The following N4BP2L1 variants were observed in gnomAD, a reference collection of about 807,000 sequenced individuals.
N4BP2L1 encodes NEDD4 binding protein 2 like 1, also known as NEDD4-binding protein 2-like 1.
In N4BP2L1, 12 loss-of-function variants were observed where a neutral mutation model predicts 21.2. The ratio of observed to expected loss-of-function variants is 0.57; its 90% CI spans 0.36 to 0.92. The LOEUF is 0.92. Ranked by LOEUF, N4BP2L1 falls within the 40% of genes least tolerant of loss-of-function variation. The pLI is 0.01. For synonymous variants in N4BP2L1, 104 were observed against 112.8 expected (o/e 0.92, Z 0.49); for missense variants, 259 against 310.6 (o/e 0.83, Z 1.25).
At chr13:32,413,093 T>A (rs2137838018) in intron 1 of N4BP2L1, among the ~76,000 whole-genome samples, 1 of 151,818 alleles carries the variant, frequency 6.6e-6, no homozygotes, top group East Asian at 1.9e-4. Context: ...CCAGCTAATT[T>A]TTTTGTATTT....
Position 32,407,111 on chromosome 13 carries a change from C to A in N4BP2L1, c.396+139G>T. ...ACAGCAGAGAAACACTAAAATAAAA[C>A]CTCGTTACCTTCTCCCTGGGAGAAC... On this transcript the variant is annotated intron_variant, in intron 3 of 4. Transcript: ENST00000380130. 4.9e-6 allele frequency: 4 copies of A among 815,288 alleles called. No homozygotes were observed. The South Asian group carries it at 5.2e-5, about 11-fold the overall frequency. 50.5% of individuals were successfully genotyped at this position (815,288 alleles called of 1,614,324 possible). A position where few individuals can be genotyped will look rare whatever the true frequency, so the allele number is the denominator to read the frequency against.
intron 2 of N4BP2L1, 80 bp downstream of exon 2, chr13:32,407,565 A>G (rs2073602159): frequency 6.2e-7 from 1 of 1,604,370 alleles, no homozygotes; most frequent in African/African-American, 1.3e-5. Flanking sequence ...AACTCCTTCC[A>G]TAAAATTTAT....
chr13:32,410,559 T>A (rs961179495), intron 1 of N4BP2L1, among the ~76,000 whole-genome samples: 3 of 152,238 alleles, frequency 2.0e-5, no homozygotes, highest in Non-Finnish European at 4.4e-5. Flanking sequence ...TCCGTATGAA[T>A]GTCTGTTATT....
chr13:32,410,978 AC>A (rs2073825475), intron 1 of N4BP2L1, among the ~76,000 whole-genome samples: 1 of 151,954 alleles, frequency 6.6e-6, no homozygotes, highest in African/African-American at 2.4e-5. Context: ...TCATATACAT[AC>A]CCTTATCTGC....
intron 1 of N4BP2L1, among the ~76,000 whole-genome samples, chr13:32,409,706 G>C (rs1401927910): frequency 6.6e-6 from 1 of 152,140 alleles, no homozygotes; most frequent in Non-Finnish European, 1.5e-5. Context: ...ATGCAAAGGA[G>C]TGATGCAAGT....
At chr13:32,414,172 G>A (rs1409307098) in intron 1 of N4BP2L1, among the ~76,000 whole-genome samples, 2 of 152,198 alleles carry the variant, frequency 1.3e-5, no homozygotes, top group African/African-American at 4.8e-5. Context: ...GTGAGCCACT[G>A]TGCCCGGCCT....
In N4BP2L1 at chr13:32,401,056, G is replaced by T. The variant is rs894537466; in HGVS notation, c.*1886C>A. On this transcript the variant is annotated 3_prime_UTR_variant, in exon 5 of 5. Coordinates refer to ENST00000380130, the MANE Select transcript of N4BP2L1 (RefSeq NM_052818.3). The stretch of plus-strand genomic sequence containing the variant: ...TGTAACCCAGAGCCACTTCTCCATA[G>T]TGGTCACTCACTTAACCCAAGTGAG... 6.6e-6 allele frequency: 1 copy of T among 152,212 alleles called. No homozygotes were observed. The highest frequency in any genetic ancestry group is 1.5e-5 in the Non-Finnish European group (1 of 68,054). 9.4% of individuals were successfully genotyped at this position (152,212 alleles called of 1,614,324 possible). A position where few individuals can be genotyped will look rare whatever the true frequency, so the allele number is the denominator to read the frequency against.
rs776307032 is a variant in N4BP2L1 at position 32,427,979 on chromosome 13, G to T, written c.104C>A (p.Pro35His). The T allele has an allele frequency of 6.4e-7, 1 of 1,553,486 alleles. No individual in the cohort carries two copies. Among genetic ancestry groups the T allele is most frequent in the East Asian group, 2.6e-5 (1 of 39,074 alleles). Reference protein sequence around the residue: ...PPRPPPRGTPPRRHSFRKHLY... With the variant: ...PPRPPPRGTPHRRHSFRKHLY... ...GTGTTTCCTAAAGCTGTGGCGGCGAGGAGGTGTCCCCCGCGGGGGCGGCCG... is the reference window on the plus strand; with the variant it reads ...GTGTTTCCTAAAGCTGTGGCGGCGATGAGGTGTCCCCCGCGGGGGCGGCCG... Residue 35 changes from proline to histidine, a missense_variant, in exon 1 of 5, where the codon CCT (proline) becomes CAT (histidine). Pro to His is a moderately conservative substitution (Grantham distance 77). Transcript: ENST00000380130.
At chr13:32,405,892 C>CCTTTTT (rs2073452557) in intron 3 of N4BP2L1, among the ~76,000 whole-genome samples, 1 of 101,192 alleles carries the variant, frequency 9.9e-6, no homozygotes, top group African/African-American at 4.5e-5. Context: ...TTCCTGCCCC[C>CCTTTTT]TTTTTTTTTT....
chr13:32,403,292 T>C lies in N4BP2L1; in HGVS notation c.474-92A>G, dbSNP rs563676885. The C allele has an allele frequency of 2.0e-5, 27 of 1,335,280 alleles. No individual in the cohort carries two copies. In the East Asian group the frequency reaches 5.6e-4, roughly 28 times the overall value. 82.7% of individuals were successfully genotyped at this position (1,335,280 alleles called of 1,614,324 possible). A position where few individuals can be genotyped will look rare whatever the true frequency, so the allele number is the denominator to read the frequency against. ...TCCTCTAGTATTGCAGATATTGCAG[T>C]CCCTGTTCTCAGGACCTAGCTCTGG... On this transcript the variant is annotated intron_variant, in intron 4 of 4. Coordinates refer to ENST00000380130, the MANE Select transcript of N4BP2L1 (RefSeq NM_052818.3).
intron 1 of N4BP2L1, among the ~76,000 whole-genome samples, chr13:32,417,442 G>T (rs573933283): frequency 3.9e-5 from 6 of 152,176 alleles, no homozygotes; most frequent in Non-Finnish European, 5.9e-5. Flanking sequence ...GGATGTGTTT[G>T]CTTCCCCTTC....
At chr13:32,407,620 A>G (rs7491644) in intron 2 of N4BP2L1, 25 bp downstream of exon 2, 3 of 1,611,356 alleles carry the variant, frequency 1.9e-6, no homozygotes, top group Admixed American at 3.3e-5. Context: ...AGGGTTTCCC[A>G]GGAGTTTGGG....
At chr13:32,415,640 C>T (rs565798840) in intron 1 of N4BP2L1, among the ~76,000 whole-genome samples, 1 of 152,166 alleles carries the variant, frequency 6.6e-6, no homozygotes, top group African/African-American at 2.4e-5. Flanking sequence ...GCTTCTTAAC[C>T]AACTTCCTTC....
chr13:32,425,400 T>G (rs1258142110), intron 1 of N4BP2L1: 1 of 152,256 alleles, frequency 6.6e-6, no homozygotes, highest in Non-Finnish European at 1.5e-5. Context: ...GAACTGCCAA[T>G]GCCCAGCGAA....
At chr13:32,405,371 G>A (rs895816255) in intron 3 of N4BP2L1, among the ~76,000 whole-genome samples, 4 of 152,064 alleles carry the variant, frequency 2.6e-5, no homozygotes, top group Non-Finnish European at 5.9e-5. Context: ...CTAGCCAGGC[G>A]TGGTGGTACA....
upstream of N4BP2L1, among the ~76,000 whole-genome samples, chr13:32,429,212 C>T (rs2074930384): frequency 6.6e-6 from 1 of 152,238 alleles, no homozygotes; most frequent in African/African-American, 2.4e-5. Context: ...TAGGAAGGGA[C>T]TATCCAAGTG....
rs894537466 is a variant in N4BP2L1, at chr13:32,401,056, G to C, written c.*1886C>G. 1 of 152,212 alleles carries C rather than the reference G, an allele frequency of 6.6e-6. No individual in the cohort carries two copies. Among genetic ancestry groups the C allele is most frequent in the South Asian group, 2.1e-4 (1 of 4,828 alleles). The allele number at this position is 152,212 out of a possible 1,614,324, so 9.4% of individuals were successfully genotyped here. Reference sequence around the variant, plus strand: ...TGTAACCCAGAGCCACTTCTCCATAGTGGTCACTCACTTAACCCAAGTGAG... The same window carrying C: ...TGTAACCCAGAGCCACTTCTCCATACTGGTCACTCACTTAACCCAAGTGAG... On this transcript the variant is annotated 3_prime_UTR_variant, in exon 5 of 5. Coordinates refer to ENST00000380130, the MANE Select transcript of N4BP2L1 (RefSeq NM_052818.3).
rs750184384 is a variant in N4BP2L1 at position 32,404,311 on chromosome 13, AAAG to A, written c.473+7_473+9del. 1 of 1,612,328 alleles carries A rather than the reference AAAG, an allele frequency of 6.2e-7. No individual in the cohort carries two copies. Among genetic ancestry groups the A allele is most frequent in the South Asian group, 1.1e-5 (1 of 91,026 alleles). On this transcript the variant is annotated splice_region_variant and intron_variant, in intron 4 of 4. Coordinates refer to ENST00000380130, the MANE Select transcript of N4BP2L1 (RefSeq NM_052818.3). ...ATACATAATGAGGAACTAGAAAAAC[AAAG>A]AAGTACCTTGCTAACTCTTGAACGT...
rs531041805 is a variant in N4BP2L1, at chr13:32,417,036, C to T, written c.180-9264G>A. 2.2e-3 allele frequency among the ~76,000 whole-genome samples: 328 copies of T among 152,212 alleles called. 2 individuals carry two copies. Among genetic ancestry groups the T allele is most frequent in the African/African-American group, 7.1e-3 (296 of 41,534 alleles). On this transcript the variant is annotated intron_variant, in intron 1 of 4. Transcript: ENST00000380130. ...TTCCCCATCTCGGCCAGGCTGGTCTCGAACTCCTGACCTCATGATCCACCC... is the reference window on the plus strand; with the variant it reads ...TTCCCCATCTCGGCCAGGCTGGTCTTGAACTCCTGACCTCATGATCCACCC...
Sources: gnomAD v4.1 joint callset for allele counts (sites outside exome capture counted in the v4.1 genomes callset) on GRCh38, gnomAD v4.1.1 for gene constraint, MANE v1.5 for transcripts, NCBI Gene and HGNC (gene_info 2026-07-23, HGNC 2026-07-21) for gene names.